SELP: variants seen among roughly 807,000 people sequenced by gnomAD.
The protein encoded by SELP is P-selectin.
Under a neutral mutation model 104.1 loss-of-function variants are expected in SELP, and 92 were observed. The observed-to-expected ratio is 0.88, with a 90% CI of 0.75 to 1.05. The LOEUF is 1.05. Ranked by LOEUF, SELP falls within the 50% of genes least tolerant of loss-of-function variation. The probability of loss-of-function intolerance (pLI) is 0.00; values close to 1 mark genes in which losing one functional copy is unlikely to be tolerated. For synonymous variants in SELP, 397 were observed against 364.5 expected (o/e 1.09, Z -1.01); for missense variants, 1,022 against 1,017.3 (o/e 1.00, Z -0.06).
At position 169,595,937 on chromosome 1, in the gene SELP, G is replaced by A. The variant is rs1661582765; in HGVS notation, c.2089C>T (p.Pro697Ser). The A allele has an allele frequency of 3.1e-6, 5 of 1,613,564 alleles. No homozygotes were observed. Among genetic ancestry groups the A allele is most frequent in the Middle Eastern group, 3.4e-4 (2 of 5,910 alleles). Residue 697 changes from proline to serine, a missense_variant, in exon 12 of 17, where the codon CCA becomes TCA. Coordinates refer to ENST00000263686, the MANE Select transcript of SELP (RefSeq NM_003005.4). Reference sequence around the variant, plus strand: ...CTTTTCACCTTACCTCTGCATGCTGGAGTTACTGCTGTCCATTGTCCTGAA... The same window carrying A: ...CTTTTCACCTTACCTCTGCATGCTGAAGTTACTGCTGTCCATTGTCCTGAA... ...RPSGQWTAVT[P>S]ACRAVKCSEL...
chr1:169,611,706 A>C (rs1036461347), intron 6 of SELP, 29 bp from the exon 7 acceptor site: 2 of 1,599,504 alleles, frequency 1.3e-6, no homozygotes, highest in Non-Finnish European at 1.7e-6. Context: ...GATAAAGAGA[A>C]AGATACTGAG....
chr1:169,612,161 A>C, intron 6 of SELP, 56 bp downstream of exon 6: 1 of 1,554,394 alleles, frequency 6.4e-7, no homozygotes, highest in East Asian at 2.3e-5. Context: ...TCATCTATGC[A>C]CTAAGTAAGG....
intron 5 of SELP, 45 bp downstream of exon 5, chr1:169,612,884 C>A (rs2101905592): frequency 6.7e-7 from 1 of 1,488,892 alleles, no homozygotes; most frequent in Non-Finnish European, 9.0e-7. Flanking sequence ...TCTTCTCCCC[C>A]AAAATTCTAT....
At chr1:169,590,558 T>C (rs2101856511) in intron 15 of SELP, among the ~76,000 whole-genome samples, 1 of 131,150 alleles carries the variant, frequency 7.6e-6, no homozygotes, top group Admixed American at 7.8e-5. Context: ...ATATGACCCC[T>C]AGGGGTGTTT....
chr1:169,596,413 G>T (rs2101871158), intron 11 of SELP, among the ~76,000 whole-genome samples: 1 of 152,286 alleles, frequency 6.6e-6, no homozygotes, highest in South Asian at 2.1e-4. Flanking sequence ...GCAAGAAATG[G>T]TACAGAAATA....
intron 13 of SELP, among the ~76,000 whole-genome samples, chr1:169,594,319 G>A (rs965123735): frequency 2.0e-5 from 3 of 152,156 alleles, no homozygotes; most frequent in African/African-American, 7.2e-5. Context: ...GATCTGCTAG[G>A]AGGTTTTTAG....
chr1:169,621,110 TGTGTG>T (rs1663102170), intron 1 of SELP, among the ~76,000 whole-genome samples: 2 of 148,460 alleles, frequency 1.3e-5, no homozygotes, highest in Non-Finnish European at 1.5e-5. Context: ...TGTGTGTGTG[TGTGTG>T]TGTGTCACAC....
intron 3 of SELP, among the ~76,000 whole-genome samples, chr1:169,614,849 A>G (rs994194247): frequency 2.0e-5 from 3 of 152,206 alleles, no homozygotes; most frequent in Non-Finnish European, 4.4e-5. Context: ...AGCTAAATGG[A>G]TACAGGTTTG....
chr1:169,628,132 G>A (rs1663467071), intron 1 of SELP, among the ~76,000 whole-genome samples: 1 of 152,228 alleles, frequency 6.6e-6, no homozygotes, highest in Non-Finnish European at 1.5e-5. Flanking sequence ...TCGACTTCAA[G>A]TGATCTATGC....
In SELP at chr1:169,605,296, C is replaced by T. The variant is rs548384015; in HGVS notation, c.1519+1653G>A. Among the ~76,000 whole-genome samples the T allele has an allele frequency of 1.0e-3, 159 of 152,300 alleles. 2 individuals are homozygous for T. Among genetic ancestry groups the T allele is most frequent in the African/African-American group, 3.5e-3 (147 of 41,546 alleles). ...CACTTAAGGGGCAAGGTCACAGCCCCGCCCTGTTCTCTCCAGACCCAGCTC... is the reference window on the plus strand; with the variant it reads ...CACTTAAGGGGCAAGGTCACAGCCCTGCCCTGTTCTCTCCAGACCCAGCTC... On this transcript the variant is annotated intron_variant, in intron 9 of 16. Transcript: ENST00000263686.
chr1:169,621,251 G>A (rs1226843271), intron 1 of SELP, among the ~76,000 whole-genome samples: 2 of 150,026 alleles, frequency 1.3e-5, no homozygotes, highest in Non-Finnish European at 1.5e-5. Flanking sequence ...GTGTGTTTGT[G>A]TCACACCCCA....
At chr1:169,589,945 A>G (rs1191931225) in intron 16 of SELP, among the ~76,000 whole-genome samples, 1 of 152,202 alleles carries the variant, frequency 6.6e-6, no homozygotes, top group African/African-American at 2.4e-5. Flanking sequence ...TCCTGGAGGA[A>G]ATGAAAATCC....
At chr1:169,616,100 G>A (rs561526388) in intron 3 of SELP, among the ~76,000 whole-genome samples, 7 of 152,242 alleles carry the variant, frequency 4.6e-5, no homozygotes, top group Admixed American at 2.0e-4. Flanking sequence ...CAAGCTTTCA[G>A]GAATGTCTGC....
chr1:169,626,087 G>A (rs1663356865), intron 1 of SELP, among the ~76,000 whole-genome samples: 1 of 152,162 alleles, frequency 6.6e-6, no homozygotes, highest in Non-Finnish European at 1.5e-5. Flanking sequence ...AGGAAGAAGA[G>A]CATTAAAGGA....
chr1:169,614,688 T>C (rs756694120), intron 3 of SELP, among the ~76,000 whole-genome samples: 22 of 152,322 alleles, frequency 1.4e-4, no homozygotes, highest in Non-Finnish European at 2.5e-4. Context: ...ACATGATCTC[T>C]ATGTTTCCTC....
At chr1:169,629,515 G>A (rs192725043) in intron 1 of SELP, among the ~76,000 whole-genome samples, 2 of 152,334 alleles carry the variant, frequency 1.3e-5, no homozygotes, top group Non-Finnish European at 2.9e-5. Flanking sequence ...TCTTAGGGCA[G>A]AAAAGGAAAC....
intron 1 of SELP, among the ~76,000 whole-genome samples, chr1:169,621,149 A>C (rs1215131887): frequency 8.5e-6 from 1 of 117,574 alleles, no homozygotes; most frequent in Non-Finnish European, 1.7e-5. Flanking sequence ...TGTAGGGTGC[A>C]TGGGACTGTG....
intron 10 of SELP, among the ~76,000 whole-genome samples, chr1:169,600,333 G>C (rs769063180): frequency 2.8e-4 from 43 of 152,206 alleles, no homozygotes; most frequent in Non-Finnish European, 4.4e-4. Context: ...CTTTGCATTA[G>C]GTATTATACG....
intron 1 of SELP, among the ~76,000 whole-genome samples, chr1:169,623,679 C>A (rs183698076): frequency 6.6e-6 from 1 of 152,318 alleles, no homozygotes; most frequent in Admixed American, 6.5e-5. Context: ...ATCTGACATA[C>A]TTTTCTGTTT....
Sources: allele counts gnomAD v4.1 joint callset (sites outside exome capture counted in the v4.1 genomes callset), GRCh38; gene constraint gnomAD v4.1.1; transcripts MANE v1.5; gene names NCBI Gene and HGNC (gene_info 2026-07-23, HGNC 2026-07-21).